Variants in RBFOX1 observed in about 807,000 individuals in gnomAD.
The protein encoded by RBFOX1 is RNA binding protein fox-1 homolog 1.
A neutral mutation model predicts 57.7 loss-of-function variants in RBFOX1; 8 were observed. The observed-to-expected ratio is 0.14, with a 90% CI of 0.08 to 0.25. The LOEUF (loss-of-function observed/expected upper bound fraction) is 0.25. RBFOX1 is among the 10% of genes least tolerant of loss of function. RBFOX1 has a pLI of 1.00. For synonymous variants in RBFOX1, 326 were observed against 222.4 expected, an observed-to-expected ratio of 1.47 and a Z score of -4.15; for missense variants, 611 against 548.5, an observed-to-expected ratio of 1.11 and a Z score of -1.14.
intron 4 of RBFOX1, among the ~76,000 whole-genome samples, chr16:7,462,901 G>T (rs1267570051): frequency 6.6e-6 from 1 of 152,164 alleles, no homozygotes; most frequent in Non-Finnish European, 1.5e-5. Flanking sequence ...ACCTTGAAAG[G>T]CTCATTCCAT....
At chr16:6,108,770 T>C (rs1400203781) in intron 1 of RBFOX1, among the ~76,000 whole-genome samples, 1 of 152,138 alleles carries the variant, frequency 6.6e-6, no homozygotes, top group Admixed American at 6.5e-5. Flanking sequence ...TTGACTGGCT[T>C]GTGGCCACAT....
intron 4 of RBFOX1, among the ~76,000 whole-genome samples, chr16:7,199,207 AG>A (rs1316696678): frequency 6.6e-6 from 1 of 152,208 alleles, no homozygotes; most frequent in African/African-American, 2.4e-5. Flanking sequence ...TTCAGCATAG[AG>A]GGGGACATTT....
chr16:7,650,719 C>T (rs1218405624), intron 11 of RBFOX1, among the ~76,000 whole-genome samples: 2 of 152,208 alleles, frequency 1.3e-5, no homozygotes, highest in African/African-American at 4.8e-5. Context: ...GCATAATTAC[C>T]GTGTTTCCTC....
At chr16:7,115,163 A>C (rs2065614551) in intron 4 of RBFOX1, among the ~76,000 whole-genome samples, 1 of 152,172 alleles carries the variant, frequency 6.6e-6, no homozygotes, top group Admixed American at 6.5e-5. Flanking sequence ...TAGTGGTGCA[A>C]CTTTTATAAA....
chr16:7,104,991 C>T (rs538176792), intron 4 of RBFOX1, among the ~76,000 whole-genome samples: 1 of 152,198 alleles, frequency 6.6e-6, no homozygotes, highest in South Asian at 2.1e-4. Context: ...TTATGTTTCT[C>T]AGCTCTGCTT....
chr16:7,506,184 CAAAAAAAAAAAAAAAAAA>C (rs552568132), intron 4 of RBFOX1, among the ~76,000 whole-genome samples: 8 of 49,942 alleles, frequency 1.6e-4, no homozygotes, highest in South Asian at 1.5e-3. Context: ...GACTCTGTCT[CAAAAAAAAAAAAAAAAAA>C]AAAAAAAAAA....
intron 3 of RBFOX1, among the ~76,000 whole-genome samples, chr16:5,807,031 G>A (rs1242850379): frequency 3.3e-5 from 5 of 152,158 alleles, no homozygotes; most frequent in Non-Finnish European, 7.4e-5. Flanking sequence ...ACCTCCTCCA[G>A]CAGGCACCAG....
chr16:5,426,785 G>A (rs1215576783), intron 1 of RBFOX1, among the ~76,000 whole-genome samples: 2 of 152,166 alleles, frequency 1.3e-5, no homozygotes, highest in East Asian at 1.9e-4. Context: ...TGCTGGCCAA[G>A]TGCTGGCTAC....
chr16:6,686,358 A>G (rs1219470368), intron 3 of RBFOX1, among the ~76,000 whole-genome samples: 1 of 152,142 alleles, frequency 6.6e-6, no homozygotes. Flanking sequence ...TGCTTTATTG[A>G]TGCTTCAGGA....
chr16:5,763,164 G>C (rs1169310839), intron 3 of RBFOX1, among the ~76,000 whole-genome samples: 2 of 152,222 alleles, frequency 1.3e-5, no homozygotes, highest in Admixed American at 1.3e-4. Context: ...GGCTGGATTA[G>C]AAGTCCATCG....
intron 3 of RBFOX1, among the ~76,000 whole-genome samples, chr16:6,741,814 G>T (rs1014425736): frequency 1.3e-5 from 2 of 152,154 alleles, no homozygotes; most frequent in African/African-American, 4.8e-5. Context: ...AAGTGAAATG[G>T]TGGTTACCAG....
At chr16:5,730,297 C>T (rs1233027808) in intron 3 of RBFOX1, among the ~76,000 whole-genome samples, 1 of 152,058 alleles carries the variant, frequency 6.6e-6, no homozygotes, top group South Asian at 2.1e-4. Context: ...TGCCACAGAG[C>T]AAAGACTACA....
chr16:5,453,807 G>A (rs541565092), intron 1 of RBFOX1, among the ~76,000 whole-genome samples: 2 of 152,198 alleles, frequency 1.3e-5, no homozygotes, highest in Non-Finnish European at 2.9e-5. Flanking sequence ...ACTTACGTAC[G>A]AGGGTGACAG....
chr16:6,681,670 A>C (rs2058671847), intron 3 of RBFOX1, among the ~76,000 whole-genome samples: 1 of 42,068 alleles, frequency 2.4e-5, no homozygotes, highest in African/African-American at 5.7e-5. Flanking sequence ...TCATTTAACC[A>C]GAAAAAAAAA....
At chr16:6,645,744 A>C (rs2154078016) in intron 2 of RBFOX1, among the ~76,000 whole-genome samples, 1 of 152,292 alleles carries the variant, frequency 6.6e-6, no homozygotes, top group East Asian at 1.9e-4. Context: ...AGATGTCATC[A>C]AGGACAGCTG....
intron 12 of RBFOX1, among the ~76,000 whole-genome samples, chr16:7,658,010 C>G (rs185336494): frequency 2.0e-5 from 3 of 152,272 alleles, no homozygotes; most frequent in Non-Finnish European, 4.4e-5. Flanking sequence ...CGTCTATAGA[C>G]ACAGTTTGCT....
chr16:5,636,272 C>T (rs28491888), intron 3 of RBFOX1, among the ~76,000 whole-genome samples: 2,436 of 152,184 alleles, frequency 0.016, 73 homozygotes, highest in African/African-American at 0.056. Flanking sequence ...CATTTAAACC[C>T]GGGAGGTGGA....
intron 1 of RBFOX1, among the ~76,000 whole-genome samples, chr16:6,281,064 A>G (rs74005069): frequency 6.5e-4 from 97 of 149,832 alleles, no homozygotes; most frequent in African/African-American, 2.3e-3. Flanking sequence ...TGCTTTGGAG[A>G]TGTTAGACTG....
chr16:5,259,959 G>C (rs1441553010), intron 1 of RBFOX1, among the ~76,000 whole-genome samples: 6 of 152,158 alleles, frequency 3.9e-5, no homozygotes, highest in Non-Finnish European at 7.4e-5. Context: ...CTTAGCACTT[G>C]GGAGGCTGAG....
Sources: allele counts gnomAD v4.1 joint callset (sites outside exome capture counted in the v4.1 genomes callset), GRCh38; gene constraint gnomAD v4.1.1; transcripts MANE v1.5; gene names NCBI Gene and HGNC (gene_info 2026-07-23, HGNC 2026-07-21).